The following DNAH11 variants were observed in gnomAD, a reference collection of about 807,000 sequenced individuals.
DNAH11 encodes axonemal beta dynein heavy chain 11.
A neutral mutation model predicts 526.0 loss-of-function variants in DNAH11; 442 were observed. The observed-to-expected ratio is 0.84, with a 90% CI of 0.78 to 0.91. DNAH11 has a LOEUF of 0.91. Among genes scored for constraint, DNAH11 ranks in the 40% least tolerant of loss-of-function variants. The probability of loss-of-function intolerance (pLI) is 0.00; values close to 1 mark genes in which losing one functional copy is unlikely to be tolerated. For synonymous variants in DNAH11, 2,461 were observed against 1,935.9 expected, an observed-to-expected ratio of 1.27 and a Z score of -7.12; for missense variants, 6,989 against 5,448.7, an observed-to-expected ratio of 1.28 and a Z score of -8.90.
At chr7:21,898,628 T>C (rs925609699) in intron 79 of DNAH11, among the ~76,000 whole-genome samples, 7 of 152,178 alleles carry the variant, frequency 4.6e-5, no homozygotes, top group Admixed American at 1.3e-4. Flanking sequence ...ACTTCTCTCT[T>C]AATTTTATCG....
At chr7:21,814,562 G>T (rs2127999305) in intron 63 of DNAH11, among the ~76,000 whole-genome samples, 1 of 129,318 alleles carries the variant, frequency 7.7e-6, no homozygotes, top group South Asian at 2.3e-4. Context: ...TCCCCTTCCT[G>T]TGTCCATGTG....
At chr7:21,545,188 C>T (rs10269946) in intron 2 of DNAH11, 39 bp downstream of exon 2, 8 of 1,482,114 alleles carry the variant, frequency 5.4e-6, no homozygotes, top group Non-Finnish European at 7.2e-6. Flanking sequence ...TTTCACTTAT[C>T]TCCATGACAT....
chr7:21,900,343 A>T lies in DNAH11; in HGVS notation c.13303+223A>T, dbSNP rs118073092. ...GATGGCTATCACTTAAATTTTGCAC[A>T]TATATCTGGATGTTAATGCCACTGA... On this transcript the variant is annotated intron_variant, in intron 81 of 81. Transcript: ENST00000409508. Among the ~76,000 whole-genome samples the T allele has an allele frequency of 3.4e-4, 36 of 104,896 alleles. No homozygotes were observed. In the East Asian group the frequency reaches 5.6e-3, roughly 16 times the overall value. The allele number at this position is 104,896 out of a possible 152,430, so 68.8% of individuals were successfully genotyped here. A position where few individuals can be genotyped will look rare whatever the true frequency, so the allele number is the denominator to read the frequency against.
chr7:21,854,247 AT>A, intron 67 of DNAH11, 67 bp from the exon 68 acceptor site: 1 of 1,541,790 alleles, frequency 6.5e-7, no homozygotes. Context: ...ACGTCCTTCC[AT>A]TCCTTGGATA....
At position 21,816,435 on chromosome 7, in the gene DNAH11, C is replaced by A. The variant is rs1004298904; in HGVS notation, c.10333-32C>A. The A allele has an allele frequency of 3.3e-6, 5 of 1,530,094 alleles. No individual in the cohort carries two copies. The African/African-American group carries it at 6.9e-5, about 21-fold the overall frequency. 94.8% of individuals were successfully genotyped at this position (1,530,094 alleles called of 1,614,324 possible). A position where few individuals can be genotyped will look rare whatever the true frequency, so the allele number is the denominator to read the frequency against. On this transcript the variant is annotated intron_variant, in intron 63 of 81. Coordinates refer to ENST00000409508, the MANE Select transcript of DNAH11 (RefSeq NM_001277115.2). The stretch of plus-strand genomic sequence containing the variant: ...TCTGTCTTCTCTCTCTGCCACATGA[C>A]CAATTTGTTGCATTCAACTCTGATT...
At chr7:21,812,640 T>G (rs1269369171) in intron 63 of DNAH11, among the ~76,000 whole-genome samples, 1 of 151,258 alleles carries the variant, frequency 6.6e-6, no homozygotes, top group East Asian at 1.9e-4. Context: ...GGTGACAGAG[T>G]GAGACCTTAT....
At chr7:21,838,358 CCTTT>C (rs1298823207) in intron 65 of DNAH11, among the ~76,000 whole-genome samples, 1 of 152,158 alleles carries the variant, frequency 6.6e-6, no homozygotes, top group Admixed American at 6.5e-5. Context: ...ATAATTGTTC[CCTTT>C]TTTTGGTAGC....
intron 35 of DNAH11, among the ~76,000 whole-genome samples, chr7:21,692,862 A>C (rs1393318596): frequency 6.6e-6 from 1 of 152,146 alleles, no homozygotes; most frequent in Non-Finnish European, 1.5e-5. Context: ...TTTTTAGCCA[A>C]TCTAATAGAT....
intron 2 of DNAH11, among the ~76,000 whole-genome samples, chr7:21,547,673 A>G (rs1029713156): frequency 1.3e-5 from 2 of 152,044 alleles, no homozygotes; most frequent in Admixed American, 6.5e-5. Flanking sequence ...TTCCTTTATC[A>G]TGACTTTCTA....
chr7:21,630,295 T>C (rs1786545305), intron 25 of DNAH11, among the ~76,000 whole-genome samples: 1 of 152,210 alleles, frequency 6.6e-6, no homozygotes, highest in African/African-American at 2.4e-5. Context: ...GCTGTAGCTA[T>C]TGTTTTTGAT....
At chr7:21,831,213 A>G (rs1443367468) in intron 65 of DNAH11, among the ~76,000 whole-genome samples, 1 of 152,208 alleles carries the variant, frequency 6.6e-6, no homozygotes, top group Non-Finnish European at 1.5e-5. Flanking sequence ...TTTAAGTTCA[A>G]GAGCTCATAG....
At chr7:21,764,417 G>T (rs993101214) in intron 54 of DNAH11, among the ~76,000 whole-genome samples, 2 of 152,120 alleles carry the variant, frequency 1.3e-5, no homozygotes, top group Non-Finnish European at 2.9e-5. Context: ...AGACTTAGAG[G>T]CAGCCACAAA....
Position 21,615,159 on chromosome 7 carries a change from C to A in DNAH11, c.3898C>A (p.Gln1300Lys), listed in dbSNP as rs375160708. Residue 1300 changes from glutamine (Q) to lysine (K), a missense_variant, in exon 21 of 82, where the codon CAA becomes AAA. Gln to Lys is a moderately conservative substitution (Grantham distance 53, BLOSUM62 1). Coordinates refer to ENST00000409508, the MANE Select transcript of DNAH11 (RefSeq NM_001277115.2). ...CTTAGAAGAAGAAATGTTGCAGATG[C>A]AAGAATCTACTCGTCTTTTTGAAGT... is the stretch of plus-strand genomic sequence containing the variant. Reference protein sequence around the residue: ...EALEEEMLQMQESTRLFEVAL... With the variant: ...EALEEEMLQMKESTRLFEVAL... 22 of 1,612,620 alleles carry A rather than the reference C, an allele frequency of 1.4e-5. No homozygotes were observed. Among genetic ancestry groups the A allele is most frequent in the Non-Finnish European group, 1.7e-5 (20 of 1,179,326 alleles).
At position 21,559,006 on chromosome 7, in the gene DNAH11, A is replaced by T. The variant is rs1315900727; in HGVS notation, c.692+8A>T. On this transcript the variant is annotated splice_region_variant and intron_variant, in intron 3 of 81. Transcript: ENST00000409508. ...GAATTGTTCAGAGAACAAGTACGTA[A>T]CAGTACAATATATACAGGATATTAA... 2 of 1,561,282 alleles carry T rather than the reference A, an allele frequency of 1.3e-6. No homozygotes were observed. The highest frequency in any genetic ancestry group is 2.7e-5 in the African/African-American group (2 of 73,696).
At chr7:21,811,618 A>G (rs1294053466) in intron 63 of DNAH11, among the ~76,000 whole-genome samples, 1 of 152,172 alleles carries the variant, frequency 6.6e-6, no homozygotes, top group Non-Finnish European at 1.5e-5. Context: ...GTTTGGGAAC[A>G]TGAAAAAGTT....
At chr7:21,898,644 G>A (rs1173392222) in intron 79 of DNAH11, among the ~76,000 whole-genome samples, 3 of 152,066 alleles carry the variant, frequency 2.0e-5, no homozygotes, top group Admixed American at 2.0e-4. Context: ...TATCGAAGAG[G>A]TTCATCTGTC....
chr7:21,778,656 T>G (rs1382609240), intron 56 of DNAH11, among the ~76,000 whole-genome samples: 3 of 152,090 alleles, frequency 2.0e-5, no homozygotes, highest in African/African-American at 7.2e-5. Flanking sequence ...AAAGCAGACG[T>G]GGGTAAAGGA....
chr7:21,737,941 T>C (rs1466743623), intron 46 of DNAH11, among the ~76,000 whole-genome samples: 6 of 152,324 alleles, frequency 3.9e-5, no homozygotes, highest in African/African-American at 1.4e-4. Context: ...TATTTATTTA[T>C]GATTCTTTGT....
chr7:21,576,961 A>C (rs1382550269), intron 8 of DNAH11, among the ~76,000 whole-genome samples: 1 of 152,184 alleles, frequency 6.6e-6, no homozygotes, highest in East Asian at 1.9e-4. Context: ...AACAAAAAAA[A>C]CACTGGCCAT....
Sources: gnomAD v4.1 joint callset for allele counts (sites outside exome capture counted in the v4.1 genomes callset) on GRCh38, gnomAD v4.1.1 for gene constraint, MANE v1.5 for transcripts, NCBI Gene and HGNC (gene_info 2026-07-23, HGNC 2026-07-21) for gene names.